Variants in TRMU observed in about 807,000 individuals in gnomAD.
TRMU encodes the protein tRNA mitochondrial 2-thiouridylase, also known as mitochondrial tRNA-specific 2-thiouridylase 1.
TRMU carries 49 observed loss-of-function variants against 46.9 expected under a neutral mutation model. The observed-to-expected ratio is 1.05, with a 90% confidence interval of 0.83 to 1.33. The LOEUF is 1.33. Ranked by LOEUF, TRMU falls within the 40% of genes most tolerant of loss-of-function variation. TRMU has a pLI of 0.00. For missense variants in TRMU, 572 were observed against 532.4 expected, an observed-to-expected ratio of 1.07 and a Z score of -0.73; for synonymous variants, 241 against 200.9, an observed-to-expected ratio of 1.20 and a Z score of -1.69.
In TRMU at chr22:46,355,402, A is replaced by G. The variant is rs763600883; in HGVS notation, c.874-42A>G. 2.7e-5 allele frequency: 44 copies of G among 1,605,926 alleles called. 1 individual carries two copies. In the South Asian group the frequency reaches 4.1e-4, roughly 15 times the overall value. ...CCACACTGAGGCCGGCCTTGGGGCC[A>G]GGTGCCCCTCGGCGTCCCCACCTTC... On this transcript the variant is annotated intron_variant, in intron 8 of 10. Transcript: ENST00000645190.
chr22:46,341,000 CAG>C (rs1296802634), intron 2 of TRMU, among the ~76,000 whole-genome samples: 3 of 152,222 alleles, frequency 2.0e-5, no homozygotes, highest in Non-Finnish European at 4.4e-5. Flanking sequence ...CTCTCTAGCT[CAG>C]AGATTTCTTT....
chr22:46,344,790 T>C (rs1462193731), intron 3 of TRMU, among the ~76,000 whole-genome samples: 1 of 152,202 alleles, frequency 6.6e-6, no homozygotes, highest in Non-Finnish European at 1.5e-5. Flanking sequence ...ATCCTGCGCT[T>C]TTTCTAGTAT....
At position 46,339,250 on chromosome 22, in the gene TRMU, A is replaced by G. The variant is rs1348640642; in HGVS notation, c.248+1306A>G. On this transcript the variant is annotated intron_variant, in intron 2 of 10. Coordinates refer to ENST00000645190, the MANE Select transcript of TRMU (RefSeq NM_018006.5). This position sits in a 1 kb window ranked among gnomAD's most constrained non-coding sequence, Gnocchi z 4.8. ...CTGCAACATCTGCCTCCCAGGTTCA[A>G]GCGATTCTCATGCCTCAGCCTCCCA... Among the ~76,000 whole-genome samples the G allele has an allele frequency of 6.6e-6, 1 of 152,132 alleles. No individual in the cohort carries two copies. Among genetic ancestry groups the G allele is most frequent in the African/African-American group, 2.4e-5 (1 of 41,428 alleles).
chr22:46,336,842 A>G lies in TRMU; in HGVS notation c.83-937A>G, dbSNP rs1021956479. Among the ~76,000 whole-genome samples the G allele has an allele frequency of 3.3e-5, 5 of 152,108 alleles. No homozygotes were observed. The highest frequency in any genetic ancestry group is 1.5e-5 in the Non-Finnish European group (1 of 68,016). ...GGAGGTGCTCAGCTGAGTCGAAAGA[A>G]GAGTAGGATGTCACTAAGCAGAGAC... On this transcript the variant is annotated intron_variant, in intron 1 of 10. Coordinates refer to ENST00000645190, the MANE Select transcript of TRMU (RefSeq NM_018006.5). The surrounding 1 kb of genome is among the most constrained non-coding windows in gnomAD (Gnocchi z 4.1).
Position 46,335,740 on chromosome 22 carries a change from G to A in TRMU, c.-25G>A, listed in dbSNP as rs995131564. ...AGGCGCGGAAGCGGCGGTAGCTGCA[G>A]CTGGCGAAGTTGGGCGACTGGCGGA... is the stretch of plus-strand genomic sequence containing the variant. On this transcript the variant is annotated 5_prime_UTR_variant, in exon 1 of 11. Coordinates refer to ENST00000645190, the MANE Select transcript of TRMU (RefSeq NM_018006.5). 1.4e-5 allele frequency: 21 copies of A among 1,544,388 alleles called. No homozygotes were observed. Among genetic ancestry groups the A allele is most frequent in the African/African-American group, 2.7e-5 (2 of 72,968 alleles).
rs775156317 is a variant in TRMU, at chr22:46,337,847, G to A, written c.151G>A (p.Asp51Asn). 11 of 1,614,104 alleles carry A rather than the reference G, an allele frequency of 6.8e-6. No homozygotes were observed. The highest frequency in any genetic ancestry group is 2.7e-5 in the African/African-American group (2 of 74,930). The change falls in exon 2 of 11, where the codon GAC becomes AAC. Residue 51 changes from aspartate to asparagine, a missense_variant. Coordinates refer to ENST00000645190, the MANE Select transcript of TRMU (RefSeq NM_018006.5). ...GGATGAACATGGGGTCTGTACTGCC[G>A]ACAAAGACTGTGAAGATGCTTACAG... ...SLDEHGVCTA[D>N]KDCEDAYRVC...
chr22:46,337,078 GTGTGGTGGTGTAGTTTTGACAAAGCTT>G (rs1466626034), intron 1 of TRMU, among the ~76,000 whole-genome samples: 1 of 152,166 alleles, frequency 6.6e-6, no homozygotes, highest in Non-Finnish European at 1.5e-5. Flanking sequence ...GGTCTTTCGC[GTGTGGTGGTGTAGTTTTGACAAAGCTT>G]TGTCATCAAA....
rs950154789 is a variant in TRMU at position 46,339,615 on chromosome 22, A to C, written c.248+1671A>C. Among the ~76,000 whole-genome samples the C allele has an allele frequency of 9.2e-5, 14 of 152,246 alleles. No individual in the cohort carries two copies. The highest frequency in any genetic ancestry group is 1.9e-4 in the Non-Finnish European group (13 of 68,044). On this transcript the variant is annotated intron_variant, in intron 2 of 10. Transcript: ENST00000645190. The surrounding 1 kb of genome is among the most constrained non-coding windows in gnomAD (Gnocchi z 4.8). ...CGGGTACACCAAAATCTCAGAAGTC[A>C]CCACTGAAGAACTTATCCATGTGAC...
chr22:46,355,519 C>A lies in TRMU; in HGVS notation c.949C>A (p.Pro317Thr). The change falls in exon 9 of 11, where the codon CCT (proline) becomes ACT (threonine). Residue 317 changes from proline (P) to threonine (T), a missense_variant. Transcript: ENST00000645190. ...CCGCGTGCACTGGATTGCGGAGGAG[C>A]CTCCCGCAGCACTGGTCCGGGACAA... ...TSRVHWIAEE[P>T]PAALVRDKMM... 6.2e-7 allele frequency: 1 copy of A among 1,613,246 alleles called. No homozygotes were observed. Among genetic ancestry groups the A allele is most frequent in the Non-Finnish European group, 8.5e-7 (1 of 1,180,036 alleles).
At chr22:46,340,407 T>G (rs1319279140) in intron 2 of TRMU, among the ~76,000 whole-genome samples, 1 of 152,222 alleles carries the variant, frequency 6.6e-6, no homozygotes, top group Non-Finnish European at 1.5e-5. Flanking sequence ...ACACTTCACC[T>G]GCCAGCACAG....
At position 46,357,059 on chromosome 22, in the gene TRMU, G is replaced by T. The variant is rs2147124811; in HGVS notation, c.*53G>T. 1 of 1,608,952 alleles carries T rather than the reference G, an allele frequency of 6.2e-7. No individual in the cohort carries two copies. Among genetic ancestry groups the T allele is most frequent in the Non-Finnish European group, 8.5e-7 (1 of 1,177,852 alleles). On this transcript the variant is annotated 3_prime_UTR_variant, in exon 11 of 11. Coordinates refer to ENST00000645190, the MANE Select transcript of TRMU (RefSeq NM_018006.5). ...GGAGAGCAGGACCCATGGCTGGGCG[G>T]CTGGTGAGCAGTCCAGGTGCCCAAG...
At chr22:46,356,679 T>G in intron 10 of TRMU, 163 bp from the exon 11 acceptor site, 1 of 835,964 alleles carries the variant, frequency 1.2e-6, no homozygotes, top group Admixed American at 2.3e-5. Flanking sequence ...AGGCCTCTCC[T>G]CTCCTGTTCA....
intron 7 of TRMU, chr22:46,353,185 G>A (rs2078488933): frequency 6.0e-6 from 1 of 166,616 alleles, no homozygotes; most frequent in South Asian, 1.5e-4. Context: ...CCCAGCAGGA[G>A]CCAGTTGGAT....
At chr22:46,344,789 T>C (rs2078209223) in intron 3 of TRMU, among the ~76,000 whole-genome samples, 1 of 152,154 alleles carries the variant, frequency 6.6e-6, no homozygotes, top group Non-Finnish European at 1.5e-5. Flanking sequence ...CATCCTGCGC[T>C]TTTTCTAGTA....
Position 46,338,204 on chromosome 22 carries a change from T to C in TRMU, c.248+260T>C, listed in dbSNP as rs1569061078. ...AGTCTCTTTAATGCTTTCTTGGACC[T>C]TGAGCTGTTTCTGTTGCCCAGTTAG... is the stretch of plus-strand genomic sequence containing the variant. On this transcript the variant is annotated intron_variant, in intron 2 of 10. Transcript: ENST00000645190. The surrounding 1 kb of genome is among the most constrained non-coding windows in gnomAD (Gnocchi z 4.5). 1 of 463,268 alleles carries C rather than the reference T, an allele frequency of 2.2e-6. No individual in the cohort carries two copies. Among genetic ancestry groups the C allele is most frequent in the Non-Finnish European group, 4.0e-6 (1 of 250,232 alleles). 28.7% of individuals were successfully genotyped at this position (463,268 alleles called of 1,614,324 possible).
In TRMU at chr22:46,351,835, G is replaced by T; in HGVS notation, c.652-286G>T. On this transcript the variant is annotated intron_variant, in intron 5 of 10. Coordinates refer to ENST00000645190, the MANE Select transcript of TRMU (RefSeq NM_018006.5). The surrounding 1 kb of genome is among the most constrained non-coding windows in gnomAD (Gnocchi z 6.4). ...ACTCCTCGCAGGACAGTGGCCTGAAGGACCTGACCGGGTTCTGCTTTCTTC... is the reference window on the plus strand; with the variant it reads ...ACTCCTCGCAGGACAGTGGCCTGAATGACCTGACCGGGTTCTGCTTTCTTC... 1 of 523,536 alleles carries T rather than the reference G, an allele frequency of 1.9e-6. No homozygotes were observed. The highest frequency in any genetic ancestry group is 3.5e-6 in the Non-Finnish European group (1 of 288,938). The allele number at this position is 523,536 out of a possible 1,614,324, so 32.4% of individuals were successfully genotyped here.
intron 8 of TRMU, 28 bp downstream of exon 8, chr22:46,353,895 C>A: frequency 6.2e-7 from 1 of 1,607,186 alleles, no homozygotes; most frequent in Non-Finnish European, 8.5e-7. Flanking sequence ...TGAGACAGCA[C>A]TGGGGCTGGT....
At chr22:46,355,374 G>A (rs540178463) in intron 8 of TRMU, 70 bp from the exon 9 acceptor site, 2 of 1,585,142 alleles carry the variant, frequency 1.3e-6, no homozygotes, top group Non-Finnish European at 1.7e-6. Flanking sequence ...TTGTTCCCAG[G>A]GACCACACTG....
At position 46,338,042 on chromosome 22, in the gene TRMU, C is replaced by CCCAGCGCTCTCCCTCAGG; in HGVS notation, c.248+113_248+114insAGGCCAGCGCTCTCCCTC. 1 of 1,530,580 alleles carries CCCAGCGCTCTCCCTCAGG rather than the reference C, an allele frequency of 6.5e-7. No homozygotes were observed. Among genetic ancestry groups the CCCAGCGCTCTCCCTCAGG allele is most frequent in the Non-Finnish European group, 9.0e-7 (1 of 1,108,414 alleles). 94.8% of individuals were successfully genotyped at this position (1,530,580 alleles called of 1,614,324 possible). Reference sequence around the variant, plus strand: ...AGCCAGACCGACGCCTGTGCTGCAGCCCAGCGCTCTCCCTCCACGGTGGTG... The same window carrying CCCAGCGCTCTCCCTCAGG: ...AGCCAGACCGACGCCTGTGCTGCAGCCCAGCGCTCTCCCTCAGGCCAGCGCTCTCCCTCCACGGTGGTG... On this transcript the variant is annotated intron_variant, in intron 2 of 10. Coordinates refer to ENST00000645190, the MANE Select transcript of TRMU (RefSeq NM_018006.5). The surrounding 1 kb of genome is among the most constrained non-coding windows in gnomAD (Gnocchi z 4.5).
Sources: gnomAD v4.1 joint callset for allele counts (sites outside exome capture counted in the v4.1 genomes callset) on GRCh38, gnomAD v4.1.1 for gene constraint, Gnocchi (gnomAD v3.1) non-coding constraint, MANE v1.5 for transcripts, NCBI Gene and HGNC (gene_info 2026-07-23, HGNC 2026-07-21) for gene names.